NOL4L: variants seen among roughly 807,000 people sequenced by gnomAD.
NOL4L encodes the protein nucleolar protein 4 like, also known as nucleolar protein 4-like.
Under a neutral mutation model 64.5 loss-of-function variants are expected in NOL4L, and 7 were observed. The ratio of observed to expected loss-of-function variants is 0.11; its 90% CI spans 0.06 to 0.20. The LOEUF is 0.20. Ranked by LOEUF, NOL4L falls within the 10% of genes least tolerant of loss-of-function variation. The pLI is 1.00. For missense variants in NOL4L, 680 were observed against 967.1 expected (o/e 0.70, Z 3.94); for synonymous variants, 413 against 401.0 (o/e 1.03, Z -0.36).
intron 1 of NOL4L, among the ~76,000 whole-genome samples, chr20:32,572,958 G>A (rs755919): frequency 1.3e-5 from 2 of 152,014 alleles, no homozygotes; most frequent in Non-Finnish European, 2.9e-5. Flanking sequence ...TCTTGTTTCC[G>A]ATGCTGAGCA....
intron 1 of NOL4L, among the ~76,000 whole-genome samples, chr20:32,549,707 C>A (rs570409600): frequency 6.6e-6 from 1 of 152,134 alleles, no homozygotes; most frequent in Non-Finnish European, 1.5e-5. Context: ...GAGCCGAGAT[C>A]GCGCCATTGC....
intron 1 of NOL4L, among the ~76,000 whole-genome samples, chr20:32,583,655 C>G (rs913288900): frequency 6.7e-6 from 1 of 149,974 alleles, no homozygotes; most frequent in South Asian, 2.1e-4. Context: ...CGCCCCCCCC[C>G]CAGCCCCCAC....
chr20:32,576,377 G>T (rs1303626901), intron 1 of NOL4L, among the ~76,000 whole-genome samples: 1 of 152,190 alleles, frequency 6.6e-6, no homozygotes. Flanking sequence ...TTTGCAAATG[G>T]GTTGGATTGG....
chr20:32,548,260 A>C (rs546664243), intron 1 of NOL4L, among the ~76,000 whole-genome samples: 1 of 152,164 alleles, frequency 6.6e-6, no homozygotes, highest in Non-Finnish European at 1.5e-5. Context: ...ACCACATCTC[A>C]CTGGCAGGCA....
intron 1 of NOL4L, among the ~76,000 whole-genome samples, chr20:32,578,574 G>A (rs763452708): frequency 1.1e-4 from 17 of 152,142 alleles, no homozygotes; most frequent in Admixed American, 2.0e-4. Context: ...GCATACAGAC[G>A]GGGTCTCACC....
chr20:32,543,393 G>A (rs1568703487), intron 1 of NOL4L, among the ~76,000 whole-genome samples: 1 of 152,196 alleles, frequency 6.6e-6, no homozygotes, highest in Non-Finnish European at 1.5e-5. Flanking sequence ...GCCCAGGTGG[G>A]TGGATCACTG....
At position 32,527,857 on chromosome 20, in the gene NOL4L, C is replaced by T. The variant is rs759293735; in HGVS notation, c.378G>A (p.Val126=). ...AGTAGATGATGTCAAAGAAATCTTCCACCACAGCGACCCGCTTCAGAGAGA... is the reference window on the plus strand; with the variant it reads ...AGTAGATGATGTCAAAGAAATCTTCTACCACAGCGACCCGCTTCAGAGAGA... ...EGISLKRVAV[V]EDFFDIIYSM... is the part of the protein sequence containing the mutation. Residue 126 remains valine (V), a synonymous_variant, in exon 2 of 11, where the codon GTG becomes GTA. Coordinates refer to ENST00000621426, the MANE Select transcript of NOL4L (RefSeq NM_001256798.2). The T allele has an allele frequency of 1.9e-6, 3 of 1,550,496 alleles. No individual in the cohort carries two copies. The South Asian group carries it at 3.6e-5, about 18-fold the overall frequency.
At chr20:32,555,397 T>C (rs935773148) in intron 1 of NOL4L, among the ~76,000 whole-genome samples, 3 of 152,056 alleles carry the variant, frequency 2.0e-5, no homozygotes, top group Non-Finnish European at 4.4e-5. Flanking sequence ...TTTTCTGAGC[T>C]CAGGTGATTC....
In NOL4L at chr20:32,453,358, G is replaced by A. The variant is rs142038832; in HGVS notation, c.1443C>T (p.Arg481=). The change falls in exon 8 of 11, where the codon CGC becomes CGT. Residue 481 remains arginine (R), a synonymous_variant. Transcript: ENST00000621426. This position sits in a 1 kb window ranked among gnomAD's most constrained non-coding sequence, Gnocchi z 5.6. The part of the protein sequence containing the change: ...FPEFQERARK[R]IRTYLKSCRR... ...GGCAGGACTTGAGGTACGTGCGGAT[G>A]CGCTTGCGGGCCCGCTCCTGGAACT... 1 of 1,614,002 alleles carries A rather than the reference G, an allele frequency of 6.2e-7. No individual in the cohort carries two copies. The highest frequency in any genetic ancestry group is 1.3e-5 in the African/African-American group (1 of 74,916).
intron 4 of NOL4L, among the ~76,000 whole-genome samples, chr20:32,503,812 C>T (rs1301051366): frequency 1.3e-5 from 2 of 152,186 alleles, no homozygotes; most frequent in Admixed American, 1.3e-4. Context: ...CTTTGATCAT[C>T]ATAAAATATC....
In NOL4L at chr20:32,512,024, C is replaced by G. The variant is rs149996346; in HGVS notation, c.590-568G>C. 4.0e-3 allele frequency among the ~76,000 whole-genome samples: 606 copies of G among 152,036 alleles called. 3 individuals carry two copies. Among genetic ancestry groups the G allele is most frequent in the Middle Eastern group, 0.014 (4 of 294 alleles). On this transcript the variant is annotated intron_variant, in intron 3 of 10. Transcript: ENST00000621426. ...TGAGAATCTATCTCTAAAAAACAAACAAAAAAACCCAGCAAACCCACCCCC... is the reference window on the plus strand; with the variant it reads ...TGAGAATCTATCTCTAAAAAACAAAGAAAAAAACCCAGCAAACCCACCCCC...
chr20:32,469,750 C>T (rs941057133), intron 5 of NOL4L, among the ~76,000 whole-genome samples: 1 of 152,248 alleles, frequency 6.6e-6, no homozygotes, highest in African/African-American at 2.4e-5. Flanking sequence ...AAAGATGTGG[C>T]TCCTGCCCTC....
chr20:32,479,616 C>A (rs1468674885), intron 4 of NOL4L, among the ~76,000 whole-genome samples: 1 of 152,176 alleles, frequency 6.6e-6, no homozygotes, highest in Non-Finnish European at 1.5e-5. Flanking sequence ...GTTCCCTCTC[C>A]CCAGTCCCCA....
intron 2 of NOL4L, among the ~76,000 whole-genome samples, chr20:32,525,700 C>A (rs1434719663): frequency 6.6e-6 from 1 of 152,138 alleles, no homozygotes; most frequent in East Asian, 1.9e-4. Flanking sequence ...CCTGCCTCAG[C>A]CTCCCAATCA....
chr20:32,575,071 T>A (rs1980007503), intron 1 of NOL4L, among the ~76,000 whole-genome samples: 2 of 152,168 alleles, frequency 1.3e-5, no homozygotes, highest in Non-Finnish European at 2.9e-5. Context: ...CTGGTTTTCC[T>A]TCTCCATCGC....
At chr20:32,508,163 A>C (rs533308141) in intron 4 of NOL4L, among the ~76,000 whole-genome samples, 1 of 152,364 alleles carries the variant, frequency 6.6e-6, no homozygotes, top group African/African-American at 2.4e-5. Context: ...TGATGAAATG[A>C]AACCACTCTC....
intron 4 of NOL4L, among the ~76,000 whole-genome samples, chr20:32,477,699 G>C (rs2015479954): frequency 6.6e-6 from 1 of 152,206 alleles, no homozygotes; most frequent in African/African-American, 2.4e-5. Flanking sequence ...GATGCAGGCT[G>C]GTGGGCTGGT....
At chr20:32,542,563 A>C (rs778875943) in intron 1 of NOL4L, among the ~76,000 whole-genome samples, 3 of 152,112 alleles carry the variant, frequency 2.0e-5, no homozygotes, top group Non-Finnish European at 4.4e-5. Flanking sequence ...TGTGTTGCCC[A>C]CGCTGGTCTC....
chr20:32,524,710 G>C (rs905637142), intron 2 of NOL4L, among the ~76,000 whole-genome samples: 5 of 152,188 alleles, frequency 3.3e-5, no homozygotes, highest in African/African-American at 1.2e-4. Context: ...TTCCTTGGGG[G>C]CTCCTTCCAC....
Sources: gnomAD v4.1 joint callset for allele counts (sites outside exome capture counted in the v4.1 genomes callset) on GRCh38, gnomAD v4.1.1 for gene constraint, Gnocchi (gnomAD v3.1) non-coding constraint, MANE v1.5 for transcripts, NCBI Gene and HGNC (gene_info 2026-07-23, HGNC 2026-07-21) for gene names.